Variants in GPM6A observed in about 807,000 individuals in gnomAD.
GPM6A encodes the protein glycoprotein M6A.
GPM6A carries 7 observed loss-of-function variants against 32.1 expected under a neutral mutation model. That is an observed-to-expected ratio of 0.22 (90% CI 0.12 to 0.41). GPM6A has a LOEUF of 0.41. GPM6A is among the 10% of genes least tolerant of loss of function. The pLI, the probability that GPM6A is intolerant of heterozygous loss-of-function variation, is 1.00. For missense variants in GPM6A, 235 were observed against 347.2 expected (o/e 0.68, Z 2.57); for synonymous variants, 130 against 123.4 (o/e 1.05, Z -0.35).
chr4:175,641,585 A>G (rs1196698003), intron 4 of GPM6A: 1 of 152,216 alleles, frequency 6.6e-6, no homozygotes, highest in Non-Finnish European at 1.5e-5. Flanking sequence ...TTGAAGTGCT[A>G]AACACATACA....
At chr4:175,751,061 TATG>T (rs1732315558) in intron 1 of GPM6A, among the ~76,000 whole-genome samples, 1 of 152,166 alleles carries the variant, frequency 6.6e-6, no homozygotes, top group Non-Finnish European at 1.5e-5. Context: ...CTTGAGATGA[TATG>T]ATCAGCAGAA....
chr4:175,748,631 T>C (rs1732198003), intron 1 of GPM6A, among the ~76,000 whole-genome samples: 1 of 152,118 alleles, frequency 6.6e-6, no homozygotes, highest in African/African-American at 2.4e-5. Context: ...ACAGAGTAGA[T>C]TCAGCATAAT....
At chr4:175,950,656 T>A (rs1467316562) in intron 1 of GPM6A, among the ~76,000 whole-genome samples, 1 of 152,138 alleles carries the variant, frequency 6.6e-6, no homozygotes, top group East Asian at 1.9e-4. Context: ...GGCAGTGCTA[T>A]TTTTTGCTGT....
intron 1 of GPM6A, among the ~76,000 whole-genome samples, chr4:175,850,791 G>T (rs1475685873): frequency 6.6e-6 from 1 of 150,422 alleles, no homozygotes; most frequent in Non-Finnish European, 1.5e-5. Context: ...CATATATATT[G>T]CATATATAAA....
At chr4:175,737,731 A>G (rs1351832717) in intron 1 of GPM6A, among the ~76,000 whole-genome samples, 1 of 152,186 alleles carries the variant, frequency 6.6e-6, no homozygotes, top group Admixed American at 6.6e-5. Flanking sequence ...CCTTAGGAAT[A>G]TCTGAGTCAT....
intron 1 of GPM6A, among the ~76,000 whole-genome samples, chr4:175,745,206 G>A (rs1208613732): frequency 1.3e-5 from 2 of 152,030 alleles, no homozygotes; most frequent in African/African-American, 2.4e-5. Context: ...CTGTTATCCT[G>A]ACATACATTA....
intron 1 of GPM6A, among the ~76,000 whole-genome samples, chr4:175,936,768 A>G (rs1340978642): frequency 6.6e-6 from 1 of 152,142 alleles, no homozygotes; most frequent in Non-Finnish European, 1.5e-5. Flanking sequence ...TAAGCACAAG[A>G]CTCAGAGAAA....
chr4:175,856,058 T>G (rs528485053), intron 1 of GPM6A, among the ~76,000 whole-genome samples: 1 of 152,290 alleles, frequency 6.6e-6, no homozygotes, highest in East Asian at 1.9e-4. Flanking sequence ...TGGAACATCT[T>G]TTAGTTCAAG....
At chr4:175,636,293 T>TATATAC (rs1380463510) in intron 6 of GPM6A, among the ~76,000 whole-genome samples, 9 of 130,906 alleles carry the variant, frequency 6.9e-5, no homozygotes, top group Non-Finnish European at 1.5e-4. Context: ...TATATATATA[T>TATATAC]ATATACATAT....
chr4:175,957,172 C>T (rs1230877152), intron 1 of GPM6A, among the ~76,000 whole-genome samples: 1 of 152,144 alleles, frequency 6.6e-6, no homozygotes, highest in Non-Finnish European at 1.5e-5. Flanking sequence ...GAAGTTACAA[C>T]ACATGAACAG....
chr4:175,928,592 A>C (rs1738924794), intron 1 of GPM6A, among the ~76,000 whole-genome samples: 1 of 152,226 alleles, frequency 6.6e-6, no homozygotes, highest in African/African-American at 2.4e-5. Context: ...GTCATTTCAG[A>C]AAGAAAATAT....
chr4:175,830,728 C>T (rs1332677585), intron 1 of GPM6A, among the ~76,000 whole-genome samples: 5 of 152,020 alleles, frequency 3.3e-5, no homozygotes, highest in African/African-American at 9.7e-5. Context: ...ATATATGTCA[C>T]GTATGCATGC....
chr4:175,913,269 CA>C lies in GPM6A; in HGVS notation c.-23+89039del, dbSNP rs368186025. Among the ~76,000 whole-genome samples, 781 of 152,286 alleles carry C rather than the reference CA, an allele frequency of 5.1e-3. 4 individuals carry two copies. The highest frequency in any genetic ancestry group is 0.017 in the African/African-American group (699 of 41,558). ...AAGATGATTTGTAAACAAACAGAAT[CA>C]CCCACTATGTCTTCCAAGAATTGTG... On this transcript the variant is annotated intron_variant, in intron 1 of 7. Transcript: ENST00000280187.
rs151303157 is a variant in GPM6A at position 175,715,557 on chromosome 4, A to C, written c.38-13790T>G. On this transcript the variant is annotated intron_variant, in intron 1 of 6. Coordinates refer to ENST00000393658, the MANE Select transcript of GPM6A (RefSeq NM_201591.3). ...AGATTCAGCTGGGAGAGGGGATGGG[A>C]GGAAGAGTTGAAGACTAAATGGGAG... 7.1e-3 allele frequency among the ~76,000 whole-genome samples: 1,087 copies of C among 152,252 alleles called. 6 individuals carry two copies. The highest frequency in any genetic ancestry group is 0.027 in the Middle Eastern group (8 of 294).
intron 1 of GPM6A, among the ~76,000 whole-genome samples, chr4:175,846,960 T>G (rs1007450710): frequency 6.6e-6 from 1 of 152,108 alleles, no homozygotes; most frequent in Non-Finnish European, 1.5e-5. Flanking sequence ...AATAAGAATT[T>G]TGGAATATTT....
intron 1 of GPM6A, among the ~76,000 whole-genome samples, chr4:175,876,251 T>C (rs1233579019): frequency 6.6e-6 from 1 of 152,078 alleles, no homozygotes; most frequent in Non-Finnish European, 1.5e-5. Flanking sequence ...AGATGAGCAG[T>C]TTCATGAAGT....
chr4:175,991,116 G>A (rs1421197204), intron 1 of GPM6A, among the ~76,000 whole-genome samples: 2 of 147,964 alleles, frequency 1.4e-5, no homozygotes, highest in African/African-American at 5.0e-5. Flanking sequence ...TGTAGCCCAG[G>A]CTGGAGTGCA....
chr4:175,770,011 G>A lies in GPM6A; in HGVS notation c.37+42180C>T, dbSNP rs1318594680. Among the ~76,000 whole-genome samples the A allele has an allele frequency of 3.3e-5, 5 of 151,998 alleles. No individual in the cohort carries two copies. In the East Asian group the frequency reaches 7.7e-4, roughly 23 times the overall value. On this transcript the variant is annotated intron_variant, in intron 1 of 6. Coordinates refer to ENST00000393658, the MANE Select transcript of GPM6A (RefSeq NM_201591.3). The stretch of plus-strand genomic sequence containing the variant: ...TATAATGACTTTTAGTTACAGTATT[G>A]TATAAGAGATACCCAGTTTTTTGTT...
intron 1 of GPM6A, among the ~76,000 whole-genome samples, chr4:175,713,002 C>T (rs1422749825): frequency 3.9e-5 from 6 of 152,028 alleles, no homozygotes; most frequent in African/African-American, 1.2e-4. Flanking sequence ...AATTAGTGAC[C>T]GTGGGCTTGG....
Sources: gnomAD v4.1 joint callset for allele counts (sites outside exome capture counted in the v4.1 genomes callset) on GRCh38, gnomAD v4.1.1 for gene constraint, MANE v1.5 for transcripts, NCBI Gene and HGNC (gene_info 2026-07-23, HGNC 2026-07-21) for gene names.